The following SPOCK3 variants were observed in gnomAD, a reference collection of about 807,000 sequenced individuals.
SPOCK3 encodes testican-3.
In SPOCK3, 30 loss-of-function variants were observed where a neutral mutation model predicts 56.6. The ratio of observed to expected loss-of-function variants is 0.53; its 90% CI spans 0.40 to 0.72. The LOEUF is 0.72. SPOCK3 is among the 30% of genes least tolerant of loss of function. SPOCK3 has a pLI of 0.00. For missense variants in SPOCK3, 527 were observed against 530.0 expected, an observed-to-expected ratio of 0.99 and a Z score of 0.06; for synonymous variants, 196 against 183.3, an observed-to-expected ratio of 1.07 and a Z score of -0.56.
intron 5 of SPOCK3, among the ~76,000 whole-genome samples, chr4:166,909,953 A>G (rs1389383900): frequency 6.6e-6 from 1 of 152,018 alleles, no homozygotes; most frequent in East Asian, 1.9e-4. Flanking sequence ...GTTTTTGATC[A>G]GTAGCTAAAT....
intron 6 of SPOCK3, among the ~76,000 whole-genome samples, chr4:166,849,198 C>T (rs1306983700): frequency 6.6e-6 from 1 of 152,092 alleles, no homozygotes; most frequent in African/African-American, 2.4e-5. Context: ...TGATAACTAG[C>T]TGGTATCTTG....
chr4:166,978,435 T>G (rs561139444), intron 4 of SPOCK3, among the ~76,000 whole-genome samples: 2 of 152,270 alleles, frequency 1.3e-5, no homozygotes, highest in East Asian at 3.9e-4. Context: ...AGATCTCTAT[T>G]GTTTGAACAA....
At chr4:167,200,941 G>A (rs765101188) in intron 2 of SPOCK3, among the ~76,000 whole-genome samples, 4 of 151,868 alleles carry the variant, frequency 2.6e-5, no homozygotes, top group South Asian at 2.1e-4. Context: ...TTGTGTATGC[G>A]GGCACACCAG....
intron 2 of SPOCK3, among the ~76,000 whole-genome samples, chr4:167,189,446 G>A (rs1732285343): frequency 6.9e-6 from 1 of 145,238 alleles, no homozygotes; most frequent in African/African-American, 2.6e-5. Context: ...ACTTTTAAAG[G>A]CATTCATCAG....
intron 5 of SPOCK3, among the ~76,000 whole-genome samples, chr4:166,900,642 T>C (rs909035861): frequency 3.3e-5 from 5 of 152,186 alleles, no homozygotes; most frequent in Non-Finnish European, 1.5e-5. Context: ...TCAAACTCAA[T>C]TGTGGATCAC....
At chr4:167,161,266 G>A (rs1053253908) in intron 2 of SPOCK3, among the ~76,000 whole-genome samples, 3 of 152,152 alleles carry the variant, frequency 2.0e-5, no homozygotes, top group Admixed American at 1.3e-4. Flanking sequence ...AGACATTTAT[G>A]CAGCCAAAAG....
At chr4:167,058,934 A>C (rs1448980249) in intron 3 of SPOCK3, among the ~76,000 whole-genome samples, 1 of 152,216 alleles carries the variant, frequency 6.6e-6, no homozygotes, top group Non-Finnish European at 1.5e-5. Flanking sequence ...GTGCTGGGAA[A>C]ACTGGCCAGC....
chr4:167,104,261 G>A (rs1759904663), intron 2 of SPOCK3, among the ~76,000 whole-genome samples: 1 of 152,102 alleles, frequency 6.6e-6, no homozygotes, highest in African/African-American at 2.4e-5. Flanking sequence ...ACCAATCCTG[G>A]AGAAATAGAG....
intron 9 of SPOCK3, 76 bp from the exon 10 acceptor site, chr4:166,737,680 C>A (rs973973171): frequency 2.2e-5 from 32 of 1,475,748 alleles, no homozygotes; most frequent in Non-Finnish European, 2.8e-5. Flanking sequence ...CTGAGAAGCA[C>A]CCATTATGCA....
chr4:167,027,626 C>A (rs1751816701), intron 3 of SPOCK3, among the ~76,000 whole-genome samples: 1 of 151,990 alleles, frequency 6.6e-6, no homozygotes, highest in Non-Finnish European at 1.5e-5. Flanking sequence ...TGAAGCCTTA[C>A]CGTTAACAGT....
intron 2 of SPOCK3, among the ~76,000 whole-genome samples, chr4:167,071,390 A>G (rs934022603): frequency 2.0e-5 from 3 of 148,986 alleles, no homozygotes; most frequent in African/African-American, 7.5e-5. Flanking sequence ...TCCCTCCCCT[A>G]GCCCCCCACC....
At chr4:167,157,947 G>C (rs1369270728) in intron 2 of SPOCK3, among the ~76,000 whole-genome samples, 1 of 151,766 alleles carries the variant, frequency 6.6e-6, no homozygotes, top group Non-Finnish European at 1.5e-5. Context: ...TTTTTGTTTT[G>C]ATAATAATCC....
At chr4:167,203,734 G>A (rs1186818959) in intron 2 of SPOCK3, among the ~76,000 whole-genome samples, 2 of 151,964 alleles carry the variant, frequency 1.3e-5, no homozygotes, top group Admixed American at 6.6e-5. Context: ...AAGAAAAAGA[G>A]TGTAGCCCTT....
intron 2 of SPOCK3, among the ~76,000 whole-genome samples, chr4:167,144,013 C>T (rs815230): frequency 1 from 152,021 of 152,108 alleles, 75,967 homozygotes; most frequent in Middle Eastern, 1. Flanking sequence ...ACATGTTATG[C>T]TCCAGGCATG....
chr4:166,875,062 G>A (rs1579503472), intron 6 of SPOCK3, among the ~76,000 whole-genome samples: 1 of 150,794 alleles, frequency 6.6e-6, no homozygotes, highest in Non-Finnish European at 1.5e-5. Context: ...TGATCTACAA[G>A]TTTTTTAAAG....
chr4:166,837,837 T>C (rs1385290861), intron 6 of SPOCK3, among the ~76,000 whole-genome samples: 1 of 152,276 alleles, frequency 6.6e-6, no homozygotes, highest in African/African-American at 2.4e-5. Context: ...TTTCCTATAG[T>C]TATTCTTTTA....
chr4:167,186,794 T>C (rs1468172512), intron 2 of SPOCK3, among the ~76,000 whole-genome samples: 1 of 151,770 alleles, frequency 6.6e-6, no homozygotes, highest in Non-Finnish European at 1.5e-5. Flanking sequence ...CTGGCCAACA[T>C]GGTGAAACCC....
chr4:167,011,712 C>T (rs1324952769), intron 3 of SPOCK3, among the ~76,000 whole-genome samples: 2 of 152,012 alleles, frequency 1.3e-5, no homozygotes, highest in Non-Finnish European at 2.9e-5. Flanking sequence ...AACTCATCAG[C>T]AAATGTGGCT....
chr4:167,055,969 C>G (rs1754786666), intron 3 of SPOCK3, among the ~76,000 whole-genome samples: 1 of 152,216 alleles, frequency 6.6e-6, no homozygotes, highest in Non-Finnish European at 1.5e-5. Context: ...CAGCACGAAG[C>G]TGGAGATCTG....
Sources: allele counts gnomAD v4.1 joint callset (sites outside exome capture counted in the v4.1 genomes callset), GRCh38; gene constraint gnomAD v4.1.1; transcripts MANE v1.5; gene names NCBI Gene and HGNC (gene_info 2026-07-23, HGNC 2026-07-21).